VWC2L: variants seen among roughly 807,000 people sequenced by gnomAD.
VWC2L encodes von Willebrand factor C domain-containing protein 2-like.
Under a neutral mutation model 21.6 loss-of-function variants are expected in VWC2L, and 10 were observed. That is an observed-to-expected ratio of 0.46 (90% CI 0.29 to 0.78). VWC2L has a LOEUF of 0.78. VWC2L is among the 30% of genes least tolerant of loss of function. VWC2L has a pLI of 0.10. For synonymous variants in VWC2L, 96 were observed against 94.3 expected, an observed-to-expected ratio of 1.02 and a Z score of -0.10; for missense variants, 209 against 277.1, an observed-to-expected ratio of 0.75 and a Z score of 1.74.
chr2:214,436,521 A>G (rs1048282966), intron 2 of VWC2L, 108 bp from the exon 3 acceptor site: 88 of 1,365,770 alleles, frequency 6.4e-5, no homozygotes, highest in Non-Finnish European at 8.6e-5. Flanking sequence ...TGGAATTAAT[A>G]CAGTAAAGCC....
At chr2:214,484,915 G>A (rs1176216159) in intron 3 of VWC2L, among the ~76,000 whole-genome samples, 1 of 152,108 alleles carries the variant, frequency 6.6e-6, no homozygotes, top group Non-Finnish European at 1.5e-5. Context: ...GAGCTCATCT[G>A]TATTTCCAGA....
intron 3 of VWC2L, among the ~76,000 whole-genome samples, chr2:214,492,688 A>G (rs1359342970): frequency 6.6e-6 from 1 of 152,240 alleles, no homozygotes; most frequent in Non-Finnish European, 1.5e-5. Flanking sequence ...GGAGACATCA[A>G]TTGCTACTAT....
rs1385439812 is a variant in VWC2L, at chr2:214,491,789, G to T, written c.520+55031G>T. ...CCTTGGTCAAGTTACTTAACCTCCT[G>T]AGTTTTATTTCTACATGTGTAAAAT... On this transcript the variant is annotated intron_variant, in intron 3 of 3. Coordinates refer to ENST00000312504, the MANE Select transcript of VWC2L (RefSeq NM_001080500.4). Among the ~76,000 whole-genome samples, 2 of 151,872 alleles carry T rather than the reference G, an allele frequency of 1.3e-5. 1 individual carries two copies. The highest frequency in any genetic ancestry group is 3.9e-4 in the East Asian group (2 of 5,178).
chr2:214,424,008 G>GAAC (rs1376380793), intron 2 of VWC2L, among the ~76,000 whole-genome samples: 7 of 151,832 alleles, frequency 4.6e-5, no homozygotes, highest in African/African-American at 1.4e-4. Flanking sequence ...TGTGGCATTA[G>GAAC]AACAACAACA....
At chr2:214,419,858 G>A (rs148638705) in intron 2 of VWC2L, among the ~76,000 whole-genome samples, 57 of 152,064 alleles carry the variant, frequency 3.7e-4, no homozygotes, top group African/African-American at 1.3e-3. Context: ...GAATAAAAGG[G>A]GACCCGCCTG....
intron 3 of VWC2L, among the ~76,000 whole-genome samples, chr2:214,568,048 G>A (rs536228744): frequency 2.6e-5 from 4 of 152,278 alleles, no homozygotes; most frequent in South Asian, 2.1e-4. Context: ...GTACTCAACC[G>A]AGGAAACGGA....
At position 214,575,551 on chromosome 2, in the gene VWC2L, T is replaced by C. The variant is rs1690216336; in HGVS notation, c.521-121T>C. The C allele has an allele frequency of 2.6e-5, 28 of 1,063,856 alleles. No individual in the cohort carries two copies. The South Asian group carries it at 4.0e-4, about 15-fold the overall frequency. 65.9% of individuals were successfully genotyped at this position (1,063,856 alleles called of 1,614,324 possible). On this transcript the variant is annotated intron_variant, in intron 3 of 3. Transcript: ENST00000312504. ...AGGAGATGGCTAGAAAATTCCTTGA[T>C]GATAAGTCAGTAGAGTAGTCTGACT...
At chr2:214,432,167 A>G (rs911658556) in intron 2 of VWC2L, among the ~76,000 whole-genome samples, 32 of 152,246 alleles carry the variant, frequency 2.1e-4, no homozygotes, top group African/African-American at 7.2e-4. Context: ...CAAATAAGAA[A>G]ACATAGATTA....
chr2:214,543,865 G>A (rs1689664468), intron 3 of VWC2L, among the ~76,000 whole-genome samples: 1 of 152,128 alleles, frequency 6.6e-6, no homozygotes, highest in Admixed American at 6.5e-5. Flanking sequence ...CTTTCATTTT[G>A]TCGCCAGGTA....
intron 3 of VWC2L, among the ~76,000 whole-genome samples, chr2:214,560,409 T>C (rs1000953363): frequency 2.6e-5 from 4 of 152,210 alleles, no homozygotes; most frequent in Non-Finnish European, 5.9e-5. Flanking sequence ...TTCCACTTTG[T>C]TGACAAGTGT....
rs2105937183 is a variant in VWC2L, at chr2:214,577,125, T to A, written c.*1305T>A. The A allele has an allele frequency of 1.3e-5, 2 of 152,262 alleles. No homozygotes were observed. The highest frequency in any genetic ancestry group is 2.9e-5 in the Non-Finnish European group (2 of 68,016). 9.4% of individuals were successfully genotyped at this position (152,262 alleles called of 1,614,324 possible). A position where few individuals can be genotyped will look rare whatever the true frequency, so the allele number is the denominator to read the frequency against. On this transcript the variant is annotated 3_prime_UTR_variant, in exon 4 of 4. Coordinates refer to ENST00000312504, the MANE Select transcript of VWC2L (RefSeq NM_001080500.4). Reference sequence around the variant, plus strand: ...CAAAATTAACAATTCTGAAACCACATGGCATAGTTAGTCGCTTATTCCATG... The same window carrying A: ...CAAAATTAACAATTCTGAAACCACAAGGCATAGTTAGTCGCTTATTCCATG...
chr2:214,532,249 GTAA>G (rs1477098150), intron 3 of VWC2L, among the ~76,000 whole-genome samples: 1 of 152,062 alleles, frequency 6.6e-6, no homozygotes, highest in Non-Finnish European at 1.5e-5. Context: ...AGTAAGAATA[GTAA>G]TAATATTAGG....
rs192181408 is a variant in VWC2L at position 214,542,797 on chromosome 2, T to G, written c.521-32875T>G. Among the ~76,000 whole-genome samples the G allele has an allele frequency of 3.4e-3, 519 of 152,316 alleles. 2 individuals are homozygous for G. Among genetic ancestry groups the G allele is most frequent in the African/African-American group, 0.012 (495 of 41,574 alleles). ...GGTTAAAGCTAATGGCTGTACAATTTTCATACACTTTCATCAAAGACATAT... is the reference window on the plus strand; with the variant it reads ...GGTTAAAGCTAATGGCTGTACAATTGTCATACACTTTCATCAAAGACATAT... On this transcript the variant is annotated intron_variant, in intron 3 of 3. Transcript: ENST00000312504.
chr2:214,420,100 C>T (rs1702417772), intron 2 of VWC2L, among the ~76,000 whole-genome samples: 1 of 152,006 alleles, frequency 6.6e-6, no homozygotes, highest in Non-Finnish European at 1.5e-5. Context: ...ATTATTTTGC[C>T]AAGTCATCAC....
chr2:214,546,369 T>C (rs1184909526), intron 3 of VWC2L, among the ~76,000 whole-genome samples: 1 of 152,144 alleles, frequency 6.6e-6, no homozygotes. Context: ...TGCTGTCTCT[T>C]TTAGCTTCTC....
At chr2:214,526,097 A>G (rs1211405587) in intron 3 of VWC2L, among the ~76,000 whole-genome samples, 1 of 150,124 alleles carries the variant, frequency 6.7e-6, no homozygotes, top group Non-Finnish European at 1.5e-5. Flanking sequence ...ATATTTTTAT[A>G]TATTCATCTA....
chr2:214,489,457 C>T (rs916000150), intron 3 of VWC2L, among the ~76,000 whole-genome samples: 12 of 152,156 alleles, frequency 7.9e-5, no homozygotes, highest in African/African-American at 2.7e-4. Flanking sequence ...AGAACTGAGG[C>T]GTTGAGTGGT....
chr2:214,463,461 A>G (rs1703170669), intron 3 of VWC2L, among the ~76,000 whole-genome samples: 1 of 152,086 alleles, frequency 6.6e-6, no homozygotes, highest in Non-Finnish European at 1.5e-5. Flanking sequence ...TTGTATTTCT[A>G]TAAAGTCCTT....
chr2:214,553,308 C>T (rs1689823680), intron 3 of VWC2L, among the ~76,000 whole-genome samples: 1 of 152,150 alleles, frequency 6.6e-6, no homozygotes, highest in African/African-American at 2.4e-5. Context: ...TGACACAGCC[C>T]CAGGGGATCA....
Sources: allele counts gnomAD v4.1 joint callset (sites outside exome capture counted in the v4.1 genomes callset), GRCh38; gene constraint gnomAD v4.1.1; transcripts MANE v1.5; gene names NCBI Gene and HGNC (gene_info 2026-07-23, HGNC 2026-07-21).